Variants in SHISAL1 observed in about 807,000 individuals in gnomAD.
SHISAL1 encodes shisa like 1, also known as protein shisa-like-1.
SHISAL1 carries 9 observed loss-of-function variants against 22.6 expected under a neutral mutation model. That is an observed-to-expected ratio of 0.40 (90% confidence interval 0.24 to 0.70). SHISAL1 has a LOEUF of 0.70. SHISAL1 is among the 30% of genes least tolerant of loss of function. The pLI, the probability that SHISAL1 is intolerant of heterozygous loss-of-function variation, is 0.39. For missense variants in SHISAL1, 246 were observed against 270.6 expected, an observed-to-expected ratio of 0.91 and a Z score of 0.64; for synonymous variants, 119 against 115.4, an observed-to-expected ratio of 1.03 and a Z score of -0.20.
chr22:44,258,135 C>A (rs1300945744), intron 4 of SHISAL1, among the ~76,000 whole-genome samples: 1 of 151,796 alleles, frequency 6.6e-6, no homozygotes, highest in Non-Finnish European at 1.5e-5. Context: ...AATGAAACTC[C>A]GTCTCTAAAT....
chr22:44,283,578 C>A (rs74682984), intron 4 of SHISAL1, among the ~76,000 whole-genome samples: 1 of 152,166 alleles, frequency 6.6e-6, no homozygotes, highest in African/African-American at 2.4e-5. Context: ...ACCTTGAGGC[C>A]GGGGCAGGAA....
intron 3 of SHISAL1, among the ~76,000 whole-genome samples, chr22:44,292,044 GCCTTCCTGCCAGGCA>G (rs2055356303): frequency 6.6e-6 from 1 of 152,162 alleles, no homozygotes; most frequent in Non-Finnish European, 1.5e-5. Flanking sequence ...CTCTCACTCT[GCCTTCCTGCCAGGCA>G]GCCAGAACCA....
At chr22:44,250,732 G>A (rs772546483) in intron 4 of SHISAL1, among the ~76,000 whole-genome samples, 4 of 152,228 alleles carry the variant, frequency 2.6e-5, no homozygotes, top group Non-Finnish European at 5.9e-5. Context: ...CACAGGTGGA[G>A]TAGAAAGCAG....
intron 2 of SHISAL1, among the ~76,000 whole-genome samples, chr22:44,297,298 G>A (rs748626003): frequency 3.3e-5 from 5 of 152,204 alleles, no homozygotes; most frequent in Non-Finnish European, 5.9e-5. Context: ...TGACTTGCCC[G>A]AGCTGATAAG....
chr22:44,273,260 CCT>C (rs2055217208), intron 4 of SHISAL1, among the ~76,000 whole-genome samples: 1 of 152,120 alleles, frequency 6.6e-6, no homozygotes. Flanking sequence ...GGAAGAAAAC[CCT>C]GATTTGTAGC....
At position 44,249,574 on chromosome 22, in the gene SHISAL1, C is replaced by T. The variant is rs140125220; in HGVS notation, c.*111G>A. On this transcript the variant is annotated 3_prime_UTR_variant, in exon 5 of 5. Coordinates refer to ENST00000381176, the MANE Select transcript of SHISAL1 (RefSeq NM_001099294.2). ...CAGGCAGCATTTCCTCCTGTGCCAC[C>T]GCCGCTACCTCGGCTGTCCCTGGCA... 7.0e-3 allele frequency: 5,163 copies of T among 741,360 alleles called. 175 individuals carry two copies. The African/African-American group carries it at 0.078, about 11-fold the overall frequency. The allele number at this position is 741,360 out of a possible 1,614,324, so 45.9% of individuals were successfully genotyped here. A position where few individuals can be genotyped will look rare whatever the true frequency, so the allele number is the denominator to read the frequency against.
chr22:44,250,534 C>T (rs2055040132), intron 4 of SHISAL1, among the ~76,000 whole-genome samples: 1 of 152,242 alleles, frequency 6.6e-6, no homozygotes, highest in Non-Finnish European at 1.5e-5. Context: ...ACCCCACTGC[C>T]CTGTGTCTAT....
At chr22:44,254,332 A>G (rs1347020689) in intron 4 of SHISAL1, among the ~76,000 whole-genome samples, 2 of 152,198 alleles carry the variant, frequency 1.3e-5, no homozygotes, top group Non-Finnish European at 2.9e-5. Context: ...GAACTCATAA[A>G]TAACTCCATG....
rs75510867 is a variant in SHISAL1 at position 44,285,883 on chromosome 22, G to A, written c.282-138C>T. 3.1e-3 allele frequency: 2,248 copies of A among 721,202 alleles called. 47 individuals are homozygous for A. In the African/African-American group the frequency reaches 0.036, roughly 11 times the overall value. The allele number at this position is 721,202 out of a possible 1,614,324, so 44.7% of individuals were successfully genotyped here. The stretch of plus-strand genomic sequence containing the variant: ...GGGAGGAGGGTACTGAGCCCCTCTG[G>A]AGGGCGGGGCCTTGGCTCCCTCTCC... On this transcript the variant is annotated intron_variant, in intron 3 of 4. Coordinates refer to ENST00000381176, the MANE Select transcript of SHISAL1 (RefSeq NM_001099294.2).
Position 44,289,466 on chromosome 22 carries a change from ATGTGTGTGTGTG to A in SHISAL1, c.282-3733_282-3722del, listed in dbSNP as rs35632126. On this transcript the variant is annotated intron_variant, in intron 3 of 4. Coordinates refer to ENST00000381176, the MANE Select transcript of SHISAL1 (RefSeq NM_001099294.2). ...CGTGCAGATCAGTGTGTCATTGTAA[ATGTGTGTGTGTG>A]TGTGTGTGTGTGTGTGTTTACTGCC... 7.4e-5 allele frequency among the ~76,000 whole-genome samples: 9 copies of A among 120,922 alleles called. No homozygotes were observed. In the East Asian group the frequency reaches 9.4e-4, roughly 13 times the overall value. The allele number at this position is 120,922 out of a possible 152,430, so 79.3% of individuals were successfully genotyped here.
chr22:44,257,772 A>C (rs955248806), intron 4 of SHISAL1, among the ~76,000 whole-genome samples: 3 of 152,200 alleles, frequency 2.0e-5, no homozygotes, highest in South Asian at 2.1e-4. Context: ...CTTCCCGAAG[A>C]AGCTCTGGAG....
At chr22:44,327,769 G>A in the SHISAL1 span, among the ~76,000 whole-genome samples, 1 of 152,116 alleles carries the variant, frequency 6.6e-6, no homozygotes, top group Non-Finnish European at 1.5e-5. Flanking sequence ...CTATGGAATG[G>A]GTGTCCCCTG....
Position 44,287,774 on chromosome 22 carries a change from G to A in SHISAL1, c.282-2029C>T, listed in dbSNP as rs75308620. Among the ~76,000 whole-genome samples the A allele has an allele frequency of 4.0e-3, 605 of 152,274 alleles. 5 individuals are homozygous for A. The highest frequency in any genetic ancestry group is 0.013 in the African/African-American group (529 of 41,568). ...CCAGTATGCTGGGGCAGGTGTCCCC[G>A]GGGTAGATGTCCATGTAGACCGAGG... is the stretch of plus-strand genomic sequence containing the variant. On this transcript the variant is annotated intron_variant, in intron 3 of 4. Coordinates refer to ENST00000381176, the MANE Select transcript of SHISAL1 (RefSeq NM_001099294.2).
the SHISAL1 span, among the ~76,000 whole-genome samples, chr22:44,330,485 C>T: frequency 6.6e-6 from 1 of 152,142 alleles, no homozygotes; most frequent in Non-Finnish European, 1.5e-5. Context: ...GGTGCTCTCC[C>T]GCAGATTACA....
intron 4 of SHISAL1, among the ~76,000 whole-genome samples, chr22:44,263,520 C>G (rs1055992739): frequency 1.3e-5 from 2 of 152,192 alleles, no homozygotes; most frequent in Non-Finnish European, 2.9e-5. Context: ...AACACTGCCT[C>G]AACAAGGAGA....
intron 4 of SHISAL1, among the ~76,000 whole-genome samples, chr22:44,267,660 C>G (rs757135225): frequency 2.0e-5 from 3 of 152,242 alleles, no homozygotes; most frequent in Non-Finnish European, 4.4e-5. Context: ...CTACCTGCAT[C>G]TCCCACCTGT....
intron 4 of SHISAL1, among the ~76,000 whole-genome samples, chr22:44,273,795 C>T (rs2147282231): frequency 6.6e-6 from 1 of 152,108 alleles, no homozygotes; most frequent in South Asian, 2.1e-4. Flanking sequence ...ATAAATGTTG[C>T]TTTATGAAAA....
rs376305417 is a variant in SHISAL1 at position 44,296,935 on chromosome 22, G to C, written c.68-50C>G. The C allele has an allele frequency of 5.4e-4, 790 of 1,462,712 alleles. 2 individuals carry two copies. Among genetic ancestry groups the C allele is most frequent in the South Asian group, 7.0e-4 (60 of 85,198 alleles). The allele number at this position is 1,462,712 out of a possible 1,614,324, so 90.6% of individuals were successfully genotyped here. A position where few individuals can be genotyped will look rare whatever the true frequency, so the allele number is the denominator to read the frequency against. On this transcript the variant is annotated intron_variant, in intron 2 of 4. Transcript: ENST00000381176. ...AGAGGGGTCCCTCACCAGTCCACGG[G>C]TGCCAAGAGGCAGGGGGACTGGCCG...
chr22:44,254,870 C>T (rs2055073652), intron 4 of SHISAL1, among the ~76,000 whole-genome samples: 1 of 152,186 alleles, frequency 6.6e-6, no homozygotes, highest in Admixed American at 6.5e-5. Flanking sequence ...ATCACTTAGC[C>T]CCTTCCCAAC....
Sources: allele counts gnomAD v4.1 joint callset (sites outside exome capture counted in the v4.1 genomes callset), GRCh38; gene constraint gnomAD v4.1.1; transcripts MANE v1.5; gene names NCBI Gene and HGNC (gene_info 2026-07-23, HGNC 2026-07-21).